The following OSBP2 variants were observed in gnomAD, a reference collection of about 807,000 sequenced individuals.
The protein encoded by OSBP2 is oxysterol binding protein 2.
A neutral mutation model predicts 96.0 loss-of-function variants in OSBP2; 66 were observed. The ratio of observed to expected loss-of-function variants is 0.69; its 90% CI spans 0.56 to 0.84. OSBP2 has a LOEUF of 0.84. Ranked by LOEUF, OSBP2 falls within the 40% of genes least tolerant of loss-of-function variation. The pLI, the probability that OSBP2 is intolerant of heterozygous loss-of-function variation, is 0.00. For synonymous variants in OSBP2, 525 were observed against 520.9 expected (o/e 1.01, Z -0.11); for missense variants, 1,038 against 1,222.7 (o/e 0.85, Z 2.25).
At chr22:30,865,631 C>CAAAAAAAAAAAAA (rs398040482) in intron 2 of OSBP2, among the ~76,000 whole-genome samples, 5 of 59,890 alleles carry the variant, frequency 8.3e-5, no homozygotes, top group Non-Finnish European at 1.2e-4. Context: ...GACTCCATCT[C>CAAAAAAAAAAAAA]AAAAAAAAAA....
intron 2 of OSBP2, among the ~76,000 whole-genome samples, chr22:30,842,259 T>G (rs1270474539): frequency 2.0e-5 from 3 of 152,104 alleles, no homozygotes; most frequent in Non-Finnish European, 4.4e-5. Flanking sequence ...CAATGAACCA[T>G]CGCACTTCAG....
At chr22:30,795,705 G>A (rs1197012707) in intron 2 of OSBP2, among the ~76,000 whole-genome samples, 1 of 151,992 alleles carries the variant, frequency 6.6e-6, no homozygotes, top group Non-Finnish European at 1.5e-5. Flanking sequence ...TTTTAGTAGA[G>A]ATGGGGTTTC....
chr22:30,872,394 C>T (rs1311373151), intron 3 of OSBP2: 7 of 456,262 alleles, frequency 1.5e-5, no homozygotes, highest in African/African-American at 6.0e-5. Context: ...TTGGCTTTTC[C>T]GAGATAATGA....
chr22:30,714,410 G>GT (rs144676068), intron 1 of OSBP2, among the ~76,000 whole-genome samples: 7,732 of 145,762 alleles, frequency 0.053, 593 homozygotes, highest in African/African-American at 0.17. Context: ...TTTTTCTTGT[G>GT]TTTTTTTTTT....
At chr22:30,771,964 T>C (rs942116671) in intron 2 of OSBP2, among the ~76,000 whole-genome samples, 1 of 152,170 alleles carries the variant, frequency 6.6e-6, no homozygotes, top group African/African-American at 2.4e-5. Context: ...GAACATTCTC[T>C]CTAGCCCCCA....
chr22:30,733,677 A>G (rs1040430378), intron 1 of OSBP2, among the ~76,000 whole-genome samples: 2 of 152,184 alleles, frequency 1.3e-5, no homozygotes, highest in African/African-American at 4.8e-5. Context: ...GTCCAATACA[A>G]CTATGTAAGT....
intron 3 of OSBP2, among the ~76,000 whole-genome samples, chr22:30,877,609 G>T (rs2039611914): frequency 6.6e-6 from 1 of 152,206 alleles, no homozygotes; most frequent in Non-Finnish European, 1.5e-5. Context: ...CCGTCTGCAG[G>T]CCAGGGCAGC....
chr22:30,694,040 T>C (rs2145653258), upstream of OSBP2: 1 of 1,547,586 alleles, frequency 6.5e-7, no homozygotes, highest in Non-Finnish European at 8.7e-7. Flanking sequence ...GCCTCCTTTG[T>C]TATGGACCTA....
At chr22:30,798,663 C>T (rs1344810451) in intron 2 of OSBP2, among the ~76,000 whole-genome samples, 2 of 152,196 alleles carry the variant, frequency 1.3e-5, no homozygotes, top group African/African-American at 2.4e-5. Flanking sequence ...TTCACAGCAA[C>T]ATTTGTTGAA....
At chr22:30,810,125 G>GA (rs1346837362) in intron 2 of OSBP2, among the ~76,000 whole-genome samples, 4 of 152,134 alleles carry the variant, frequency 2.6e-5, no homozygotes, top group Non-Finnish European at 5.9e-5. Flanking sequence ...TGGAGCTATG[G>GA]ACATGGACAC....
intron 6 of OSBP2, 43 bp from the exon 7 acceptor site, chr22:30,889,447 C>G (rs2039893330): frequency 6.2e-7 from 1 of 1,612,174 alleles, no homozygotes; most frequent in East Asian, 2.2e-5. Flanking sequence ...AGGGGGCGCT[C>G]TGGCCTCTGC....
chr22:30,838,111 G>A (rs1289415468), intron 2 of OSBP2, among the ~76,000 whole-genome samples: 1 of 152,190 alleles, frequency 6.6e-6, no homozygotes, highest in Non-Finnish European at 1.5e-5. Flanking sequence ...GCAGAACTGT[G>A]AGGTTCAGCA....
intron 2 of OSBP2, chr22:30,822,620 C>T (rs1447995774): frequency 1.3e-6 from 2 of 1,530,494 alleles, no homozygotes; most frequent in East Asian, 2.5e-5. Context: ...GAGGCTGCCC[C>T]GCCGCGGGAA....
chr22:30,772,069 A>G lies in OSBP2; in HGVS notation c.853+30700A>G, dbSNP rs114132605. ...GGGCCATCAGACAGCCGCAAGCCAG[A>G]GAATCAGGCCAGAGACAAGCCCCTG... On this transcript the variant is annotated intron_variant, in intron 2 of 13. Transcript: ENST00000332585. Among the ~76,000 whole-genome samples, 1,362 of 152,352 alleles carry G rather than the reference A, an allele frequency of 8.9e-3. 21 individuals are homozygous for G. The highest frequency in any genetic ancestry group is 0.029 in the African/African-American group (1,207 of 41,586).
intron 1 of OSBP2, among the ~76,000 whole-genome samples, chr22:30,720,323 G>T (rs150129280): frequency 1.8e-4 from 28 of 152,288 alleles, no homozygotes; most frequent in African/African-American, 6.5e-4. Context: ...TGTCATGAGG[G>T]CTGCGGTCAT....
intron 2 of OSBP2, among the ~76,000 whole-genome samples, chr22:30,860,217 C>T (rs2039182225): frequency 6.6e-6 from 1 of 152,048 alleles, no homozygotes; most frequent in Admixed American, 6.6e-5. Context: ...TCCCATCGCC[C>T]AGGATGCTTG....
At chr22:30,799,176 C>T (rs1011070554) in intron 2 of OSBP2, among the ~76,000 whole-genome samples, 1 of 151,416 alleles carries the variant, frequency 6.6e-6, no homozygotes, top group Non-Finnish European at 1.5e-5. Flanking sequence ...GCGGTGCAAT[C>T]TCAGCTCACT....
intron 2 of OSBP2, among the ~76,000 whole-genome samples, chr22:30,793,549 GC>G (rs2090711034): frequency 6.6e-6 from 1 of 152,104 alleles, no homozygotes; most frequent in Non-Finnish European, 1.5e-5. Context: ...ACTTTGGGAG[GC>G]CAAGGTGGGA....
chr22:30,821,793 A>G (rs767238916), intron 2 of OSBP2, among the ~76,000 whole-genome samples: 5 of 152,256 alleles, frequency 3.3e-5, no homozygotes, highest in Non-Finnish European at 7.3e-5. Flanking sequence ...TTAACCTTGT[A>G]GACCTAAAAG....
Sources: allele counts gnomAD v4.1 joint callset (sites outside exome capture counted in the v4.1 genomes callset), GRCh38; gene constraint gnomAD v4.1.1; transcripts MANE v1.5; gene names NCBI Gene and HGNC (gene_info 2026-07-23, HGNC 2026-07-21).